VIT: variants seen among roughly 807,000 people sequenced by gnomAD.
VIT encodes the protein vitrin.
VIT carries 99 observed loss-of-function variants against 78.0 expected under a neutral mutation model. The observed-to-expected ratio is 1.27, with a 90% confidence interval of 1.08 to 1.50. VIT has a LOEUF of 1.50. VIT is among the 40% of genes most tolerant of loss of function. The probability of loss-of-function intolerance (pLI) is 0.00; values close to 1 mark genes in which losing one functional copy is unlikely to be tolerated. For missense variants in VIT, 1,126 were observed against 875.3 expected (o/e 1.29, Z -3.61); for synonymous variants, 374 against 334.3 (o/e 1.12, Z -1.29).
intron 12 of VIT, among the ~76,000 whole-genome samples, chr2:36,799,913 T>G (rs912288328): frequency 2.6e-5 from 4 of 151,576 alleles, no homozygotes; most frequent in Non-Finnish European, 5.9e-5. Flanking sequence ...CTGGGTGTGG[T>G]GACACGCACC....
chr2:36,800,445 G>A (rs1025792876), intron 12 of VIT, among the ~76,000 whole-genome samples: 3 of 152,186 alleles, frequency 2.0e-5, no homozygotes, highest in Non-Finnish European at 4.4e-5. Context: ...ATTTCAAGAC[G>A]GCAGCAGCAG....
intron 13 of VIT, among the ~76,000 whole-genome samples, chr2:36,805,006 T>G (rs1432321677): frequency 6.6e-6 from 1 of 151,828 alleles, no homozygotes; most frequent in Non-Finnish European, 1.5e-5. Flanking sequence ...TTGAAGTGAT[T>G]TTAAAAAAGT....
chr2:36,697,399 G>C (rs1291956447), intron 1 of VIT, among the ~76,000 whole-genome samples: 1 of 152,208 alleles, frequency 6.6e-6, no homozygotes, highest in Non-Finnish European at 1.5e-5. Flanking sequence ...TATGAGAAAT[G>C]GGCACATTGG....
rs915817579 is a variant in VIT, at chr2:36,731,120, C to T, written c.118+1629C>T. On this transcript the variant is annotated intron_variant, in intron 3 of 15. Coordinates refer to ENST00000379242, the MANE Select transcript of VIT (RefSeq NM_053276.4). ...CTTCTGCTTGGAGGTGGGGCTTCAC[C>T]AGGGACCCACCCCTATCTGCCTAGG... Among the ~76,000 whole-genome samples, 4 of 152,068 alleles carry T rather than the reference C, an allele frequency of 2.6e-5. No homozygotes were observed. The East Asian group carries it at 7.8e-4, about 30-fold the overall frequency.
At chr2:36,786,561 G>A (rs965092574) in intron 11 of VIT, among the ~76,000 whole-genome samples, 10 of 152,188 alleles carry the variant, frequency 6.6e-5, no homozygotes, top group African/African-American at 1.9e-4. Context: ...GGATAGCTAC[G>A]AACAAGGGCT....
chr2:36,777,710 G>A (rs1293815302), intron 9 of VIT, among the ~76,000 whole-genome samples: 2 of 152,146 alleles, frequency 1.3e-5, no homozygotes, highest in East Asian at 3.8e-4. Flanking sequence ...AGCCCACACT[G>A]GAAAATCACA....
chr2:36,807,586 T>A (rs1666823410), intron 14 of VIT, among the ~76,000 whole-genome samples: 1 of 152,240 alleles, frequency 6.6e-6, no homozygotes, highest in Non-Finnish European at 1.5e-5. Context: ...TCTAAAATAA[T>A]CTTTTAATTA....
At chr2:36,724,934 G>A (rs1288649208) in intron 2 of VIT, among the ~76,000 whole-genome samples, 2 of 152,102 alleles carry the variant, frequency 1.3e-5, no homozygotes, top group Non-Finnish European at 2.9e-5. Flanking sequence ...TGTATTTAGT[G>A]CTTGTTTTAA....
intron 1 of VIT, among the ~76,000 whole-genome samples, chr2:36,709,906 TGAA>T (rs1469465955): frequency 6.6e-5 from 10 of 152,208 alleles, no homozygotes; most frequent in African/African-American, 2.2e-4. Flanking sequence ...GAGTGGACTA[TGAA>T]GAAGAATTCT....
intron 3 of VIT, among the ~76,000 whole-genome samples, chr2:36,731,651 T>A (rs907313197): frequency 2.0e-5 from 3 of 152,134 alleles, no homozygotes; most frequent in African/African-American, 7.2e-5. Context: ...AGAATTGATA[T>A]TGGGAAATCA....
chr2:36,703,151 C>T (rs1264183820), intron 1 of VIT, among the ~76,000 whole-genome samples: 2 of 152,184 alleles, frequency 1.3e-5, no homozygotes, highest in Non-Finnish European at 2.9e-5. Flanking sequence ...ACTGGGCATC[C>T]AAGCTCTCTT....
chr2:36,703,927 TTTGTTTTTG>T (rs1247591585), intron 1 of VIT, among the ~76,000 whole-genome samples: 1,743 of 10,858 alleles, frequency 0.16, 34 homozygotes, highest in African/African-American at 0.17. Flanking sequence ...TTGTTTGTTT[TTTGTTTTTG>T]TTTTTTTTTT....
intron 7 of VIT, among the ~76,000 whole-genome samples, chr2:36,769,678 A>G (rs890379177): frequency 1.3e-5 from 2 of 152,236 alleles, no homozygotes; most frequent in Non-Finnish European, 2.9e-5. Context: ...AAATAAAAGT[A>G]TTCATGAGAG....
intron 12 of VIT, among the ~76,000 whole-genome samples, chr2:36,797,510 T>A (rs1665992200): frequency 6.6e-6 from 1 of 152,026 alleles, no homozygotes; most frequent in Non-Finnish European, 1.5e-5. Flanking sequence ...ACTGAGTGAG[T>A]CAGAGAGGAA....
At chr2:36,744,116 A>C (rs184861896) in intron 4 of VIT, among the ~76,000 whole-genome samples, 1 of 152,322 alleles carries the variant, frequency 6.6e-6, no homozygotes, top group African/African-American at 2.4e-5. Context: ...AGCTGCATGC[A>C]TGTTGCTGCA....
At chr2:36,735,380 T>G (rs987330730) in intron 3 of VIT, among the ~76,000 whole-genome samples, 3 of 152,198 alleles carry the variant, frequency 2.0e-5, no homozygotes, top group African/African-American at 7.2e-5. Context: ...CACATTATTT[T>G]CTAAATCAAA....
At position 36,804,888 on chromosome 2, in the gene VIT, C is replaced by T. The variant is rs190745165; in HGVS notation, c.1163-550C>T. ...GCTGTCCCTAAAACTTTCTTCAAAGCGGAGACAATTAGAAGTTGAAGGCTT... is the reference window on the plus strand; with the variant it reads ...GCTGTCCCTAAAACTTTCTTCAAAGTGGAGACAATTAGAAGTTGAAGGCTT... On this transcript the variant is annotated intron_variant, in intron 13 of 15. Transcript: ENST00000379242. Among the ~76,000 whole-genome samples, 104 of 151,926 alleles carry T rather than the reference C, an allele frequency of 6.8e-4. 1 individual carries two copies. Among genetic ancestry groups the T allele is most frequent in the Middle Eastern group, 3.4e-3 (1 of 290 alleles).
At chr2:36,739,230 G>A (rs1189470898) in intron 3 of VIT, among the ~76,000 whole-genome samples, 3 of 152,076 alleles carry the variant, frequency 2.0e-5, no homozygotes, top group Non-Finnish European at 4.4e-5. Flanking sequence ...GCAAGCTTAC[G>A]ATAATTGCTT....
intron 5 of VIT, among the ~76,000 whole-genome samples, chr2:36,757,383 C>T (rs1668831411): frequency 6.6e-6 from 1 of 152,034 alleles, no homozygotes; most frequent in African/African-American, 2.4e-5. Context: ...AGTGAGGGAC[C>T]CCCTAATACT....
Sources: allele counts gnomAD v4.1 joint callset (sites outside exome capture counted in the v4.1 genomes callset), GRCh38; gene constraint gnomAD v4.1.1; transcripts MANE v1.5; gene names NCBI Gene and HGNC (gene_info 2026-07-23, HGNC 2026-07-21).